EPB41L4A: variants seen among roughly 807,000 people sequenced by gnomAD.
EPB41L4A encodes band 4.1-like protein 4A.
Under a neutral mutation model 108.6 loss-of-function variants are expected in EPB41L4A, and 100 were observed. The observed-to-expected ratio is 0.92, with a 90% CI of 0.78 to 1.09. The LOEUF (loss-of-function observed/expected upper bound fraction) is 1.09. Ranked by LOEUF, EPB41L4A falls within the 50% of genes least tolerant of loss-of-function variation. The probability of loss-of-function intolerance (pLI) is 0.00; values close to 1 mark genes in which losing one functional copy is unlikely to be tolerated. For synonymous variants in EPB41L4A, 319 were observed against 289.0 expected (o/e 1.10, Z -1.05); for missense variants, 1,030 against 842.7 (o/e 1.22, Z -2.75).
At chr5:112,170,467 C>A in intron 19 of EPB41L4A, 98 bp from the exon 20 acceptor site, 1 of 777,690 alleles carries the variant, frequency 1.3e-6, no homozygotes, top group Non-Finnish European at 2.1e-6. Flanking sequence ...CTAATCTTGT[C>A]CCAAAACAGT....
chr5:112,269,189 G>GA (rs200399841), intron 4 of EPB41L4A, among the ~76,000 whole-genome samples: 5 of 149,488 alleles, frequency 3.3e-5, no homozygotes, highest in South Asian at 4.2e-4. Flanking sequence ...AATTCATAAA[G>GA]AAAAAAAAAT....
downstream of EPB41L4A, chr5:112,160,783 T>C (rs1177712822): frequency 1.3e-5 from 2 of 156,048 alleles, no homozygotes; most frequent in Non-Finnish European, 2.9e-5. Context: ...CAGCGGCCGA[T>C]GGTACAGCCC....
intron 2 of EPB41L4A, among the ~76,000 whole-genome samples, chr5:112,293,847 C>G (rs997519837): frequency 1.3e-5 from 2 of 152,226 alleles, no homozygotes; most frequent in African/African-American, 4.8e-5. Context: ...GGCACACCCA[C>G]TCTAAACAGA....
chr5:112,313,103 G>C (rs66624821), intron 1 of EPB41L4A, among the ~76,000 whole-genome samples: 10,428 of 152,166 alleles, frequency 0.069, 418 homozygotes, highest in African/African-American at 0.098. Flanking sequence ...ACTAATAAAT[G>C]CCAGAAGAAA....
intron 12 of EPB41L4A, among the ~76,000 whole-genome samples, chr5:112,226,930 A>C (rs886455099): frequency 6.6e-6 from 1 of 151,494 alleles, no homozygotes; most frequent in African/African-American, 2.4e-5. Flanking sequence ...TATTGAACTT[A>C]CTCTTAAAAT....
chr5:112,143,542 C>T (rs1759140595), exon 14 of EPB41L4A: 1 of 164,148 alleles, frequency 6.1e-6, no homozygotes, highest in African/African-American at 2.4e-5. Flanking sequence ...GCACTGATGT[C>T]AGACAGACTG....
chr5:112,266,228 C>T lies in EPB41L4A; in HGVS notation c.433+5G>A. The T allele has an allele frequency of 6.3e-7, 1 of 1,593,798 alleles. No homozygotes were observed. Among genetic ancestry groups the T allele is most frequent in the Non-Finnish European group, 8.5e-7 (1 of 1,171,692 alleles). ...CTGAGGCAAATATGCTTAAGTGGCACCTACACTGGATGGCATACGCTCCCA... is the reference window on the plus strand; with the variant it reads ...CTGAGGCAAATATGCTTAAGTGGCATCTACACTGGATGGCATACGCTCCCA... On this transcript the variant is annotated splice_donor_5th_base_variant and intron_variant, in intron 5 of 22. Transcript: ENST00000261486.
intron 12 of EPB41L4A, among the ~76,000 whole-genome samples, chr5:112,223,753 T>C (rs1748247179): frequency 1.3e-5 from 2 of 152,200 alleles, no homozygotes; most frequent in Admixed American, 1.3e-4. Context: ...GACAAAGCTA[T>C]GCAAAAACTT....
intron 9 of EPB41L4A, chr5:112,249,194 G>A (rs768935725): frequency 6.6e-6 from 1 of 152,174 alleles, no homozygotes. Flanking sequence ...CTAAAAAGAA[G>A]TGTGACAATT....
chr5:112,145,124 T>C (rs1759201550), intron 13 of EPB41L4A, among the ~76,000 whole-genome samples: 1 of 152,178 alleles, frequency 6.6e-6, no homozygotes, highest in African/African-American at 2.4e-5. Flanking sequence ...ACCCTGTCCC[T>C]ACTAAAAATA....
chr5:112,352,998 TC>T (rs1758139996), intron 1 of EPB41L4A, among the ~76,000 whole-genome samples: 1 of 152,202 alleles, frequency 6.6e-6, no homozygotes, highest in Admixed American at 6.5e-5. Flanking sequence ...TACAGATGTA[TC>T]TATAGTGTTG....
chr5:112,238,303 C>T (rs1343253367), intron 11 of EPB41L4A, among the ~76,000 whole-genome samples: 1 of 151,980 alleles, frequency 6.6e-6, no homozygotes, highest in East Asian at 1.9e-4. Flanking sequence ...TCACTGTCTA[C>T]AGAAGAACAG....
Position 112,346,216 on chromosome 5 carries a change from A to ATTTTTTTTTTTTTTTTTT in EPB41L4A, c.100-38744_100-38727dup, listed in dbSNP as rs561328868. On this transcript the variant is annotated intron_variant, in intron 1 of 22. Coordinates refer to ENST00000261486, the MANE Select transcript of EPB41L4A (RefSeq NM_022140.5). Reference sequence around the variant, plus strand: ...AATTCTTTAAAGTTAGGTACATTGCATTTTTTTTTTTTTTTTTTTTTTTTT... The same window carrying ATTTTTTTTTTTTTTTTTT: ...AATTCTTTAAAGTTAGGTACATTGCATTTTTTTTTTTTTTTTTTTTTTTTTTTTTTTTTTTTTTTTTTT... 1.2e-3 allele frequency among the ~76,000 whole-genome samples: 80 copies of ATTTTTTTTTTTTTTTTTT among 67,346 alleles called. 21 individuals carry two copies. Among genetic ancestry groups the ATTTTTTTTTTTTTTTTTT allele is most frequent in the Non-Finnish European group, 1.9e-3 (60 of 32,336 alleles). 44.2% of individuals were successfully genotyped at this position (67,346 alleles called of 152,430 possible). A position where few individuals can be genotyped will look rare whatever the true frequency, so the allele number is the denominator to read the frequency against.
Position 112,307,488 on chromosome 5 carries a change from C to T in EPB41L4A, c.102G>A (p.Lys34=). The part of the protein sequence containing the change: ...TLTTQQQGIK[K]STKGSVVLDH... ...CAAGGACAACGGAACCTTTCGTTGA[C>T]TTCTGCAAAAATAATTCAGTTTTAT... Residue 34 remains lysine (K), a splice_region_variant and synonymous_variant, in exon 2 of 23, where the codon AAG becomes AAA. Coordinates refer to ENST00000261486, the MANE Select transcript of EPB41L4A (RefSeq NM_022140.5). 1 of 1,608,530 alleles carries T rather than the reference C, an allele frequency of 6.2e-7. No homozygotes were observed.
At chr5:112,234,245 C>T (rs1414913331) in intron 12 of EPB41L4A, among the ~76,000 whole-genome samples, 1 of 149,534 alleles carries the variant, frequency 6.7e-6, no homozygotes, top group South Asian at 2.1e-4. Context: ...AATAAAATAA[C>T]CAGGCATGGT....
At chr5:112,390,228 A>G (rs1760844548) in intron 1 of EPB41L4A, among the ~76,000 whole-genome samples, 1 of 152,316 alleles carries the variant, frequency 6.6e-6, no homozygotes, top group South Asian at 2.1e-4. Context: ...AGGGTGAGCC[A>G]AAGCAGGGCG....
At chr5:112,408,918 T>G (rs1470938670) in intron 1 of EPB41L4A, among the ~76,000 whole-genome samples, 3 of 151,984 alleles carry the variant, frequency 2.0e-5, no homozygotes, top group Admixed American at 2.0e-4. Context: ...TGGAAGCTCC[T>G]CAAACTGTTA....
At chr5:112,369,502 T>C (rs1388672331) in intron 1 of EPB41L4A, among the ~76,000 whole-genome samples, 10 of 152,234 alleles carry the variant, frequency 6.6e-5, no homozygotes, top group Non-Finnish European at 4.4e-5. Context: ...TTATCCTATC[T>C]TATATGCTAT....
chr5:112,368,922 C>T (rs1759311176), intron 1 of EPB41L4A, among the ~76,000 whole-genome samples: 1 of 152,186 alleles, frequency 6.6e-6, no homozygotes, highest in African/African-American at 2.4e-5. Context: ...TTCTCGTCCA[C>T]TCCCACAACC....
Sources: allele counts gnomAD v4.1 joint callset (sites outside exome capture counted in the v4.1 genomes callset), GRCh38; gene constraint gnomAD v4.1.1; transcripts MANE v1.5; gene names NCBI Gene and HGNC (gene_info 2026-07-23, HGNC 2026-07-21).